NRK: variants seen among roughly 807,000 people sequenced by gnomAD.
NRK encodes nik-related protein kinase.
A neutral mutation model predicts 125.2 loss-of-function variants in NRK; 67 were observed. The observed-to-expected ratio is 0.54, with a 90% CI of 0.44 to 0.66. The LOEUF (loss-of-function observed/expected upper bound fraction) is 0.66, where lower values mean the gene tolerates loss of function less well. Among genes scored for constraint, NRK ranks in the 30% least tolerant of loss-of-function variants. NRK has a pLI of 0.00. For missense variants in NRK, 1,224 were observed against 1,192.9 expected, an observed-to-expected ratio of 1.03 and a Z score of -0.38; for synonymous variants, 458 against 429.0, an observed-to-expected ratio of 1.07 and a Z score of -0.84.
At chrX:105,839,534 ATTTCTT>A (rs1452986276) in intron 2 of NRK, among the ~76,000 whole-genome samples, 3 of 111,652 alleles carry the variant, frequency 2.7e-5, no homozygotes, top group Admixed American at 1.9e-4. Context: ...AGGGATTGAT[ATTTCTT>A]AAGGAACCCT....
intron 2 of NRK, among the ~76,000 whole-genome samples, chrX:105,846,009 C>T (rs1411597856): frequency 5.4e-5 from 6 of 111,190 alleles, no homozygotes; most frequent in Non-Finnish European, 7.5e-5. Flanking sequence ...ATCAAGGTCA[C>T]TCTGGGTTTA....
chrX:105,906,382 CT>C (rs779782135), intron 10 of NRK, 31 bp from the exon 11 acceptor site: 65 of 975,445 alleles, frequency 6.7e-5, no homozygotes, highest in African/African-American at 1.9e-4. Context: ...ACTGAGAACA[CT>C]TTTTTTTCCT....
intron 19 of NRK, among the ~76,000 whole-genome samples, chrX:105,932,007 C>T (rs2040601442): frequency 9.0e-6 from 1 of 110,822 alleles, no homozygotes; most frequent in Non-Finnish European, 1.9e-5. Flanking sequence ...AGTCTTGTTT[C>T]CCCCCTCCTC....
At chrX:105,833,334 C>CCTTATACATAGATACCTACAT (rs781260948) in intron 2 of NRK, among the ~76,000 whole-genome samples, 1 of 111,510 alleles carries the variant, frequency 9.0e-6, no homozygotes, top group African/African-American at 3.3e-5. Flanking sequence ...AGTTTTGCCA[C>CCTTATACATAGATACCTACAT]CTTATACATA....
chrX:105,891,909 A>AT (rs919118801), intron 5 of NRK, among the ~76,000 whole-genome samples: 1 of 111,247 alleles, frequency 9.0e-6, no homozygotes, highest in Non-Finnish European at 1.9e-5. Context: ...TTACTGAGGA[A>AT]TTTTTTTTGG....
chrX:105,948,870 T>C (rs1174068172), intron 26 of NRK: 5 of 333,567 alleles, frequency 1.5e-5, no homozygotes, highest in African/African-American at 1.1e-4. Context: ...ACAATATCTG[T>C]AGTTTAAGAA....
rs2040976965 is a variant in NRK at position 105,956,288 on chromosome X, C to A, written c.*688C>A. ...CCCAGACGCTTGGTTTTTCTCAGAACCCCCAAAAGATGTGCAATAGCTGTT... is the reference window on the plus strand; with the variant it reads ...CCCAGACGCTTGGTTTTTCTCAGAAACCCCAAAAGATGTGCAATAGCTGTT... On this transcript the variant is annotated 3_prime_UTR_variant, in exon 29 of 29. Transcript: ENST00000243300. 1 of 111,673 alleles carries A rather than the reference C, an allele frequency of 9.0e-6. No individual in the cohort carries two copies. Among genetic ancestry groups the A allele is most frequent in the South Asian group, 3.8e-4 (1 of 2,634 alleles). The allele number at this position is 111,673 out of a possible 1,213,427, so 9.2% of individuals were successfully genotyped here.
intron 2 of NRK, among the ~76,000 whole-genome samples, chrX:105,867,787 A>G (rs2039691720): frequency 8.9e-6 from 1 of 112,095 alleles, no homozygotes; most frequent in Non-Finnish European, 1.9e-5. Context: ...TACAGAACCT[A>G]AGAACTAACA....
chrX:105,880,202 C>T lies in NRK; in HGVS notation c.127C>T (p.Leu43Phe). ...LGTYGRIYLG[L>F]HEKTGAFTAV... is the part of the protein sequence containing the mutation. ...TTATCACTATCCTGTATTTCAGGGA[C>T]TTCATGAGAAGACTGGTGCATTTAC... The change falls in exon 3 of 29, where the codon CTT becomes TTT. Residue 43 changes from leucine (L) to phenylalanine (F), a missense_variant. Coordinates refer to ENST00000243300, the MANE Select transcript of NRK (RefSeq NM_198465.4). 1 of 1,060,328 alleles carries T rather than the reference C, an allele frequency of 9.4e-7. No individual in the cohort carries two copies. The highest frequency in any genetic ancestry group is 2.4e-5 in the South Asian group (1 of 42,469). The allele number at this position is 1,060,328 out of a possible 1,213,427, so 87.4% of individuals were successfully genotyped here.
chrX:105,936,333 A>G (rs1439483100), intron 21 of NRK, among the ~76,000 whole-genome samples: 1 of 112,439 alleles, frequency 8.9e-6, no homozygotes, highest in East Asian at 2.8e-4. Context: ...TGAATATTTC[A>G]GTCTGGCAAC....
rs1307669092 is a variant in NRK at position 105,956,822 on chromosome X, A to G, written c.*1222A>G. On this transcript the variant is annotated 3_prime_UTR_variant, in exon 29 of 29. Coordinates refer to ENST00000243300, the MANE Select transcript of NRK (RefSeq NM_198465.4). Reference sequence around the variant, plus strand: ...ATAGACAGGTGATGTTTGGTCACCTATGGTAACTGCTACCTGATGAAGAGC... The same window carrying G: ...ATAGACAGGTGATGTTTGGTCACCTGTGGTAACTGCTACCTGATGAAGAGC... 2 of 112,004 alleles carry G rather than the reference A, an allele frequency of 1.8e-5. No individual in the cohort carries two copies. Among genetic ancestry groups the G allele is most frequent in the African/African-American group, 6.5e-5 (2 of 30,781 alleles). 9.2% of individuals were successfully genotyped at this position (112,004 alleles called of 1,213,427 possible). A position where few individuals can be genotyped will look rare whatever the true frequency, so the allele number is the denominator to read the frequency against.
Position 105,888,376 on chromosome X carries a change from C to A in NRK, c.335C>A (p.Ala112Glu), listed in dbSNP as rs1305539961. 8.3e-7 allele frequency: 1 copy of A among 1,200,959 alleles called. No individual in the cohort carries two copies. Among genetic ancestry groups the A allele is most frequent in the Non-Finnish European group, 1.1e-6 (1 of 888,493 alleles). ...FHKNIVSFYG[A>E]FFKLSPPGQR... is the part of the protein sequence containing the mutation. ...AAAAACATTGTGTCCTTCTATGGAGCATTTTTCAAGCTGAGTCCCCCTGGT... is the reference window on the plus strand; with the variant it reads ...AAAAACATTGTGTCCTTCTATGGAGAATTTTTCAAGCTGAGTCCCCCTGGT... The change falls in exon 5 of 29, where the codon GCA becomes GAA. Residue 112 changes from alanine to glutamate, a missense_variant. Physicochemically the swap from Ala to Glu is moderately radical, Grantham distance 107. Coordinates refer to ENST00000243300, the MANE Select transcript of NRK (RefSeq NM_198465.4).
intron 16 of NRK, among the ~76,000 whole-genome samples, chrX:105,921,674 T>G (rs2040450014): frequency 9.2e-6 from 1 of 108,834 alleles, no homozygotes; most frequent in Non-Finnish European, 1.9e-5. Context: ...ACTATGTATC[T>G]TCTTACATAG....
intron 19 of NRK, among the ~76,000 whole-genome samples, chrX:105,932,442 AG>A (rs1194987958): frequency 4.4e-5 from 5 of 112,640 alleles, no homozygotes; most frequent in African/African-American, 1.6e-4. Context: ...TACTGTGTTT[AG>A]ACAATGATTT....
At position 105,893,884 on chromosome X, in the gene NRK, C is replaced by A; in HGVS notation, c.431C>A (p.Thr144Asn). ...TCGGTCACTGATGTAGTGAGAATGA[C>A]CAGTAATCAGAGTTTAAAAGAAGAT... is the stretch of plus-strand genomic sequence containing the variant. ...AGSVTDVVRM[T>N]SNQSLKEDWI... The change falls in exon 6 of 29, where the codon ACC (threonine) becomes AAC (asparagine). Residue 144 changes from threonine to asparagine, a missense_variant. Physicochemically the swap from Thr to Asn is moderately conservative, Grantham distance 65. Coordinates refer to ENST00000243300, the MANE Select transcript of NRK (RefSeq NM_198465.4). 1.7e-6 allele frequency: 2 copies of A among 1,200,323 alleles called. No individual in the cohort carries two copies. The highest frequency in any genetic ancestry group is 2.3e-6 in the Non-Finnish European group (2 of 885,744).
At position 105,935,320 on chromosome X, in the gene NRK, T is replaced by C. The variant is rs1260837946; in HGVS notation, c.3650T>C (p.Leu1217Ser). The stretch of plus-strand genomic sequence containing the variant: ...ACTTCTGAGATCTGCTGTGGTTCTT[T>C]GTGGGGTGAGTTTGTTTTGTTTTCT... Reference protein sequence around the residue: ...EFTSEICCGSLWGVNLLLGTR... With the variant: ...EFTSEICCGSSWGVNLLLGTR... The change falls in exon 21 of 29, where the codon TTG (leucine) becomes TCG (serine). Residue 1217 changes from leucine to serine, a missense_variant. Transcript: ENST00000243300. 1 of 1,178,332 alleles carries C rather than the reference T, an allele frequency of 8.5e-7. No homozygotes were observed. The highest frequency in any genetic ancestry group is 1.1e-6 in the Non-Finnish European group (1 of 874,305).
At chrX:105,919,804 G>A (rs2040414779) in intron 16 of NRK, among the ~76,000 whole-genome samples, 1 of 111,771 alleles carries the variant, frequency 8.9e-6, no homozygotes, top group Admixed American at 9.5e-5. Context: ...CCCTTTGTCA[G>A]ATGAGTAGGT....
intron 2 of NRK, among the ~76,000 whole-genome samples, chrX:105,835,735 A>G (rs1411396047): frequency 9.1e-6 from 1 of 109,689 alleles, no homozygotes; most frequent in Non-Finnish European, 1.9e-5. Flanking sequence ...TTTATTCATG[A>G]AAAGGAAAGG....
intron 2 of NRK, among the ~76,000 whole-genome samples, chrX:105,872,104 C>T (rs2039755494): frequency 9.0e-6 from 1 of 111,101 alleles, no homozygotes; most frequent in Non-Finnish European, 1.9e-5. Context: ...AGGAAAAAAC[C>T]ACACCTAAGA....
Sources: gnomAD v4.1 joint callset for allele counts (sites outside exome capture counted in the v4.1 genomes callset) on GRCh38, gnomAD v4.1.1 for gene constraint, MANE v1.5 for transcripts, NCBI Gene and HGNC (gene_info 2026-07-23, HGNC 2026-07-21) for gene names.